Variants in TRPC7 observed in about 807,000 individuals in gnomAD.
TRPC7 encodes the protein transient receptor potential cation channel subfamily C member 7, also known as short transient receptor potential channel 7.
Under a neutral mutation model 90.1 loss-of-function variants are expected in TRPC7, and 42 were observed. The observed-to-expected ratio is 0.47, with a 90% CI of 0.36 to 0.60. The LOEUF is 0.60. Ranked by LOEUF, TRPC7 falls within the 20% of genes least tolerant of loss-of-function variation. The pLI is 0.00. For synonymous variants in TRPC7, 451 were observed against 436.3 expected (o/e 1.03, Z -0.42); for missense variants, 955 against 1,112.3 (o/e 0.86, Z 2.01).
intron 1 of TRPC7, 101 bp downstream of exon 1, chr5:136,365,152 G>A: frequency 7.5e-7 from 1 of 1,333,526 alleles, no homozygotes; most frequent in Non-Finnish European, 1.0e-6. Context: ...TGCACTAGAG[G>A]AAGAAGGCTG....
At chr5:136,328,076 C>T (rs965276748) in intron 2 of TRPC7, among the ~76,000 whole-genome samples, 1 of 152,228 alleles carries the variant, frequency 6.6e-6, no homozygotes, top group Non-Finnish European at 1.5e-5. Context: ...TATCAATAAA[C>T]TCATGCTCCA....
At chr5:136,264,695 C>T (rs185414660) in intron 5 of TRPC7, among the ~76,000 whole-genome samples, 14 of 152,036 alleles carry the variant, frequency 9.2e-5, no homozygotes, top group African/African-American at 2.4e-4. Flanking sequence ...TGGGTTCAAG[C>T]GATACTCCTG....
chr5:136,217,072 T>C (rs751880346), intron 10 of TRPC7, among the ~76,000 whole-genome samples: 2 of 152,144 alleles, frequency 1.3e-5, no homozygotes, highest in Non-Finnish European at 2.9e-5. Flanking sequence ...TGGTCCAGGG[T>C]TCCTGCGAAA....
intron 3 of TRPC7, among the ~76,000 whole-genome samples, chr5:136,308,855 G>A (rs1051184420): frequency 1.3e-5 from 2 of 152,214 alleles, no homozygotes; most frequent in African/African-American, 4.8e-5. Context: ...CGGAGGACTT[G>A]AGCAGTCAGG....
At chr5:136,241,536 G>C (rs1756162749) in intron 7 of TRPC7, among the ~76,000 whole-genome samples, 1 of 151,824 alleles carries the variant, frequency 6.6e-6, no homozygotes, top group African/African-American at 2.4e-5. Flanking sequence ...GCTAGGGTGT[G>C]AGAAAGGCAC....
At chr5:136,336,159 T>C (rs1759654502) in intron 2 of TRPC7, among the ~76,000 whole-genome samples, 1 of 152,292 alleles carries the variant, frequency 6.6e-6, no homozygotes, top group African/African-American at 2.4e-5. Context: ...ATGTCTCTTC[T>C]GAGAAGCTTT....
chr5:136,352,436 G>A (rs183448277), intron 2 of TRPC7, among the ~76,000 whole-genome samples: 3 of 152,152 alleles, frequency 2.0e-5, no homozygotes, highest in Non-Finnish European at 4.4e-5. Flanking sequence ...AAGGAGACTA[G>A]CAAAATAAAA....
rs142307414 is a variant in TRPC7 at position 136,349,083 on chromosome 5, T to C, written c.780+7525A>G. ...ATGAATCTTTTCCACGGAGATATTTTTCAAAAAATAATCTCTGTATTTGTC... is the reference window on the plus strand; with the variant it reads ...ATGAATCTTTTCCACGGAGATATTTCTCAAAAAATAATCTCTGTATTTGTC... On this transcript the variant is annotated intron_variant, in intron 2 of 11. Transcript: ENST00000513104. 5.3e-3 allele frequency among the ~76,000 whole-genome samples: 810 copies of C among 152,200 alleles called. 4 individuals carry two copies. The highest frequency in any genetic ancestry group is 0.018 in the African/African-American group (743 of 41,528).
chr5:136,345,772 C>T (rs867258477), intron 2 of TRPC7, among the ~76,000 whole-genome samples: 13 of 152,222 alleles, frequency 8.5e-5, no homozygotes, highest in Admixed American at 2.0e-4. Flanking sequence ...GAAGTCCTTG[C>T]CCATGCCTAT....
chr5:136,279,492 C>T (rs937291242), intron 3 of TRPC7, among the ~76,000 whole-genome samples: 1 of 152,122 alleles, frequency 6.6e-6, no homozygotes, highest in Non-Finnish European at 1.5e-5. Context: ...CACCAGAAGT[C>T]CTCTCAGAGC....
intron 3 of TRPC7, among the ~76,000 whole-genome samples, chr5:136,301,931 C>CA (rs1758409549): frequency 6.6e-6 from 1 of 152,254 alleles, no homozygotes; most frequent in Admixed American, 6.5e-5. Context: ...CCTACGACCT[C>CA]AGGTCCTCAC....
intron 2 of TRPC7, among the ~76,000 whole-genome samples, chr5:136,331,590 T>C (rs1207071542): frequency 6.6e-6 from 1 of 152,204 alleles, no homozygotes; most frequent in African/African-American, 2.4e-5. Flanking sequence ...ACCCAACTGG[T>C]AAGCTGCAGT....
intron 2 of TRPC7, among the ~76,000 whole-genome samples, chr5:136,324,239 G>A (rs1035372932): frequency 3.3e-5 from 5 of 152,090 alleles, no homozygotes; most frequent in Non-Finnish European, 7.4e-5. Context: ...TGAAAATATG[G>A]ATTGTTGACC....
intron 10 of TRPC7, among the ~76,000 whole-genome samples, chr5:136,217,012 CA>C (rs1282824778): frequency 6.6e-6 from 1 of 152,164 alleles, no homozygotes; most frequent in African/African-American, 2.4e-5. Flanking sequence ...AGAATAGAGC[CA>C]AGTGTAGGAA....
chr5:136,311,401 A>T (rs1580939586), intron 3 of TRPC7, among the ~76,000 whole-genome samples: 1 of 152,182 alleles, frequency 6.6e-6, no homozygotes, highest in Non-Finnish European at 1.5e-5. Flanking sequence ...GTCACTAAGC[A>T]CTGACCACAT....
chr5:136,254,210 G>T (rs2149807024), intron 5 of TRPC7, among the ~76,000 whole-genome samples: 1 of 152,364 alleles, frequency 6.6e-6, no homozygotes, highest in African/African-American at 2.4e-5. Context: ...ATCTAGCTAA[G>T]ATAATTGATA....
At chr5:136,265,692 A>G (rs1373959964) in intron 5 of TRPC7, among the ~76,000 whole-genome samples, 1 of 152,192 alleles carries the variant, frequency 6.6e-6, no homozygotes, top group Non-Finnish European at 1.5e-5. Context: ...AGCATGAAAT[A>G]CCACTACAAG....
intron 2 of TRPC7, among the ~76,000 whole-genome samples, chr5:136,347,871 T>C (rs770636857): frequency 6.6e-6 from 1 of 152,134 alleles, no homozygotes; most frequent in Non-Finnish European, 1.5e-5. Context: ...GTCCCAGAGA[T>C]AGGAGAAGCA....
At chr5:136,343,551 C>A (rs1358743406) in intron 2 of TRPC7, among the ~76,000 whole-genome samples, 1 of 152,186 alleles carries the variant, frequency 6.6e-6, no homozygotes, top group African/African-American at 2.4e-5. Flanking sequence ...AGATCATACC[C>A]TTTTGTCTAA....
Sources: allele counts gnomAD v4.1 joint callset (sites outside exome capture counted in the v4.1 genomes callset), GRCh38; gene constraint gnomAD v4.1.1; transcripts MANE v1.5; gene names NCBI Gene and HGNC (gene_info 2026-07-23, HGNC 2026-07-21).